The following IMMP2L variants were observed in gnomAD, a reference collection of about 807,000 sequenced individuals.
IMMP2L encodes inner mitochondrial membrane peptidase subunit 2.
IMMP2L carries 18 observed loss-of-function variants against 19.3 expected under a neutral mutation model. That is an observed-to-expected ratio of 0.93 (90% confidence interval 0.64 to 1.38). The LOEUF is 1.38. Among genes scored for constraint, IMMP2L ranks in the 40% most tolerant of loss-of-function variants. The pLI is 0.00. For synonymous variants in IMMP2L, 76 were observed against 73.0 expected (o/e 1.04, Z -0.21); for missense variants, 233 against 218.2 (o/e 1.07, Z -0.43).
At chr7:110,775,622 C>T (rs1195033188) in intron 5 of IMMP2L, among the ~76,000 whole-genome samples, 1 of 151,992 alleles carries the variant, frequency 6.6e-6, no homozygotes, top group South Asian at 2.1e-4. Context: ...CTAGAGGAAC[C>T]CTCAAAATAC....
intron 3 of IMMP2L, among the ~76,000 whole-genome samples, chr7:111,153,261 T>C (rs1286569160): frequency 6.6e-6 from 1 of 152,128 alleles, no homozygotes; most frequent in Non-Finnish European, 1.5e-5. Flanking sequence ...AACTTCACTG[T>C]CAATAAAATG....
intron 2 of IMMP2L, among the ~76,000 whole-genome samples, chr7:111,502,042 G>A (rs973018850): frequency 3.9e-5 from 6 of 151,900 alleles, no homozygotes; most frequent in African/African-American, 1.4e-4. Context: ...TGGATAAAGA[G>A]TCATACATCA....
intron 5 of IMMP2L, among the ~76,000 whole-genome samples, chr7:110,819,870 C>T (rs891987753): frequency 8.6e-5 from 13 of 151,950 alleles, no homozygotes; most frequent in African/African-American, 2.2e-4. Context: ...ACAATACAAA[C>T]GTGTTTTATA....
At chr7:111,094,343 T>C (rs1340515796) in intron 3 of IMMP2L, among the ~76,000 whole-genome samples, 2 of 152,036 alleles carry the variant, frequency 1.3e-5, no homozygotes, top group African/African-American at 4.8e-5. Flanking sequence ...AGGAGATCAT[T>C]AAAAGAAAGC....
At chr7:111,113,283 A>G (rs1355728195) in intron 3 of IMMP2L, among the ~76,000 whole-genome samples, 1 of 152,234 alleles carries the variant, frequency 6.6e-6, no homozygotes, top group Non-Finnish European at 1.5e-5. Flanking sequence ...AAATGAGTTG[A>G]AAACCTTTTT....
intron 3 of IMMP2L, among the ~76,000 whole-genome samples, chr7:111,428,928 A>G (rs1836355670): frequency 6.6e-6 from 1 of 151,900 alleles, no homozygotes; most frequent in Admixed American, 6.6e-5. Flanking sequence ...AAGTGTAAAA[A>G]TAAAATACAC....
chr7:111,037,347 A>G (rs1860808), intron 3 of IMMP2L, among the ~76,000 whole-genome samples: 3,429 of 152,286 alleles, frequency 0.023, 135 homozygotes, highest in African/African-American at 0.078. Context: ...AACCGATAAG[A>G]TATAAAATCA....
chr7:111,513,232 T>C (rs1286118722), intron 2 of IMMP2L, among the ~76,000 whole-genome samples: 1 of 152,090 alleles, frequency 6.6e-6, no homozygotes. Flanking sequence ...AAGGGGTTAA[T>C]GTATAAAATA....
At chr7:111,048,277 A>G (rs1792646811) in intron 3 of IMMP2L, among the ~76,000 whole-genome samples, 1 of 150,760 alleles carries the variant, frequency 6.6e-6, no homozygotes, top group African/African-American at 2.4e-5. Context: ...AAAAAAAGAA[A>G]AAAGAAAAAA....
intron 4 of IMMP2L, among the ~76,000 whole-genome samples, chr7:110,939,955 C>A (rs984105844): frequency 1.3e-5 from 2 of 152,118 alleles, no homozygotes; most frequent in African/African-American, 4.8e-5. Flanking sequence ...CATTACTACA[C>A]CATTGACTGA....
At chr7:111,126,746 G>A (rs1312138141) in intron 3 of IMMP2L, among the ~76,000 whole-genome samples, 1 of 152,024 alleles carries the variant, frequency 6.6e-6, no homozygotes, top group African/African-American at 2.4e-5. Context: ...AAGTATTTTT[G>A]TACAAAGCAA....
chr7:111,324,847 T>C (rs1825144720), intron 3 of IMMP2L, among the ~76,000 whole-genome samples: 1 of 151,880 alleles, frequency 6.6e-6, no homozygotes, highest in Admixed American at 6.6e-5. Context: ...AAGATTTTTT[T>C]TGAATACTGA....
chr7:111,006,446 T>C (rs1039349199), intron 3 of IMMP2L, among the ~76,000 whole-genome samples: 7 of 152,146 alleles, frequency 4.6e-5, no homozygotes, highest in Admixed American at 2.0e-4. Flanking sequence ...AAACAACTAG[T>C]TTAATCCCTT....
intron 4 of IMMP2L, among the ~76,000 whole-genome samples, chr7:110,917,831 T>C (rs538755637): frequency 6.6e-6 from 1 of 152,068 alleles, no homozygotes; most frequent in Non-Finnish European, 1.5e-5. Context: ...AAATTCCCAA[T>C]TGGATAATAA....
intron 5 of IMMP2L, among the ~76,000 whole-genome samples, chr7:110,828,624 A>G (rs1403747256): frequency 2.6e-5 from 4 of 152,158 alleles, no homozygotes; most frequent in Non-Finnish European, 4.4e-5. Context: ...GGTGATACTA[A>G]AAGAAATGTA....
At chr7:111,023,256 T>G (rs1028281880) in intron 3 of IMMP2L, among the ~76,000 whole-genome samples, 1 of 152,232 alleles carries the variant, frequency 6.6e-6, no homozygotes, top group African/African-American at 2.4e-5. Flanking sequence ...ACATTTTCTG[T>G]ATCAGCTAAA....
intron 5 of IMMP2L, among the ~76,000 whole-genome samples, chr7:110,793,520 TAATA>T (rs1262163242): frequency 6.6e-6 from 1 of 151,788 alleles, no homozygotes; most frequent in East Asian, 1.9e-4. Flanking sequence ...GAAATAAAAA[TAATA>T]AAAATTTTAA....
At chr7:110,936,705 T>C (rs1426835603) in intron 4 of IMMP2L, among the ~76,000 whole-genome samples, 1 of 152,174 alleles carries the variant, frequency 6.6e-6, no homozygotes, top group East Asian at 1.9e-4. Flanking sequence ...ACTGGGTATA[T>C]ACCCAAAGGA....
rs1241740133 is a variant in IMMP2L, at chr7:111,433,643, A to G, written c.239+53595T>C. ...GGGTGGGGACACAGAGCCAAACCAT[A>G]TCAGACCCCACGATTCAATTAGCTC... On this transcript the variant is annotated intron_variant, in intron 3 of 5. Coordinates refer to ENST00000405709, the MANE Select transcript of IMMP2L (RefSeq NM_032549.4). Among the ~76,000 whole-genome samples, 3 of 151,780 alleles carry G rather than the reference A, an allele frequency of 2.0e-5. 1 individual carries two copies. The highest frequency in any genetic ancestry group is 4.4e-5 in the Non-Finnish European group (3 of 68,026).
Sources: allele counts gnomAD v4.1 joint callset (sites outside exome capture counted in the v4.1 genomes callset), GRCh38; gene constraint gnomAD v4.1.1; transcripts MANE v1.5; gene names NCBI Gene and HGNC (gene_info 2026-07-23, HGNC 2026-07-21).